MSANTD7: variants seen among roughly 807,000 people sequenced by gnomAD.
MSANTD7 encodes Myb/SANT DNA binding domain containing 7.
At chr10:14,845,492 C>T in the MSANTD7 span, 1,172 of 985,060 alleles carry the variant, frequency 1.2e-3, 2 homozygotes, top group Non-Finnish European at 1.3e-3. Context: ...AGGTGTGAGG[C>T]GGCTGGTGTG....
the MSANTD7 span, chr10:14,842,908 G>A: frequency 8.5e-6 from 10 of 1,170,810 alleles, no homozygotes; most frequent in Non-Finnish European, 1.2e-5. This position sits in a 1 kb window ranked among gnomAD's most constrained non-coding sequence, Gnocchi z 5.2. Context: ...ACATTTAGCT[G>A]TGTCTGTTTG....
At chr10:14,843,760 A>G in the MSANTD7 span, 85 of 1,536,448 alleles carry the variant, frequency 5.5e-5, 1 homozygote, top group Middle Eastern at 1.0e-3. Flanking sequence ...TCAGCAAGAT[A>G]CTGCCAATGA....
the MSANTD7 span, among the ~76,000 whole-genome samples, chr10:14,841,545 G>A: frequency 1.3e-5 from 2 of 152,104 alleles, no homozygotes; most frequent in African/African-American, 2.4e-5. Context: ...TGCTCACATC[G>A]ATATAGTCCA....
the MSANTD7 span, chr10:14,842,969 G>T: frequency 1.3e-6 from 1 of 788,286 alleles, no homozygotes; most frequent in Non-Finnish European, 2.0e-6. The surrounding 1 kb of genome is among the most constrained non-coding windows in gnomAD (Gnocchi z 5.2). Context: ...TCTGCCCCAC[G>T]CACCTTTTCA....
chr10:14,840,204 C>T, the MSANTD7 span: 1 of 945,036 alleles, frequency 1.1e-6, no homozygotes, highest in Non-Finnish European at 1.5e-6. Context: ...GGAACATGTT[C>T]ATAAATTCTA....
chr10:14,844,488 G>T, the MSANTD7 span: 1 of 754,690 alleles, frequency 1.3e-6, no homozygotes. Context: ...CTCATTAGAC[G>T]ACTATAAGCA....
chr10:14,845,087 T>C, the MSANTD7 span: 1 of 985,434 alleles, frequency 1.0e-6, no homozygotes, highest in Non-Finnish European at 1.2e-6. Context: ...TGACTCCTTT[T>C]AAGCACTAGC....
chr10:14,845,161 C>T, the MSANTD7 span: 1 of 985,300 alleles, frequency 1.0e-6, no homozygotes. Context: ...GGTGATAAGC[C>T]ACACTTCCGA....
the MSANTD7 span, chr10:14,845,581 C>A: frequency 1.8e-5 from 17 of 957,072 alleles, no homozygotes; most frequent in Non-Finnish European, 2.1e-5. Context: ...AATCACTTGC[C>A]CTTTTCTATT....
chr10:14,844,525 T>TA, the MSANTD7 span: 1 of 987,226 alleles, frequency 1.0e-6, no homozygotes, highest in South Asian at 4.7e-5. Context: ...CTTAATCTCT[T>TA]ACATTTCCAC....
At chr10:14,846,751 G>A in the MSANTD7 span, 5 of 985,430 alleles carry the variant, frequency 5.1e-6, no homozygotes, top group Non-Finnish European at 6.0e-6. Flanking sequence ...ACAAGTAGGG[G>A]AAAGACTCTG....
the MSANTD7 span, chr10:14,843,955 T>C: frequency 3.3e-6 from 5 of 1,518,164 alleles, no homozygotes; most frequent in African/African-American, 4.2e-5. Context: ...CAAACCTGCC[T>C]TCTGAATCCC....
the MSANTD7 span, chr10:14,839,993 T>TC: frequency 6.3e-7 from 1 of 1,599,234 alleles, no homozygotes; most frequent in Non-Finnish European, 8.5e-7. Context: ...GAGGTACTAG[T>TC]CCCCCCATTT....
the MSANTD7 span, chr10:14,838,665 G>C: frequency 3.8e-6 from 2 of 530,614 alleles, no homozygotes; most frequent in Non-Finnish European, 6.6e-6. Flanking sequence ...CTCCGCGGCG[G>C]AGGCTCGCGG....
At chr10:14,843,476 A>G in the MSANTD7 span, 18 of 1,550,360 alleles carry the variant, frequency 1.2e-5, no homozygotes, top group Middle Eastern at 1.7e-4. Flanking sequence ...GTGTCCGGGG[A>G]GCCCAGCCCC....
chr10:14,843,542 TCTC>T, the MSANTD7 span: 99 of 1,550,546 alleles, frequency 6.4e-5, no homozygotes, highest in Non-Finnish European at 7.8e-5. Flanking sequence ...CAGACTCCAG[TCTC>T]CTCTTCGAGA....
At chr10:14,844,858 T>G in the MSANTD7 span, 50 of 985,342 alleles carry the variant, frequency 5.1e-5, no homozygotes, top group Non-Finnish European at 5.9e-5. Flanking sequence ...GCTTTTTAGC[T>G]GATTTCATTC....
chr10:14,844,211 T>A, the MSANTD7 span: 11 of 1,133,666 alleles, frequency 9.7e-6, no homozygotes, highest in Non-Finnish European at 1.1e-5. Context: ...AAAATGGGGA[T>A]CAATAATAAC....
At chr10:14,840,124 C>T in the MSANTD7 span, 1 of 1,467,180 alleles carries the variant, frequency 6.8e-7, no homozygotes, top group Non-Finnish European at 9.1e-7. Context: ...ATTTCAAATA[C>T]AGTAATGAAA....
Sources: gnomAD v4.1 joint callset for allele counts (sites outside exome capture counted in the v4.1 genomes callset) on GRCh38, gnomAD v4.1.1 for gene constraint, Gnocchi (gnomAD v3.1) non-coding constraint, MANE v1.5 for transcripts, NCBI Gene and HGNC (gene_info 2026-07-23, HGNC 2026-07-21) for gene names.